Variants in PRKRA observed in about 807,000 individuals in gnomAD.
The protein encoded by PRKRA is protein activator of interferon induced protein kinase EIF2AK2.
A neutral mutation model predicts 32.4 loss-of-function variants in PRKRA; 22 were observed. That is an observed-to-expected ratio of 0.68 (90% CI 0.49 to 0.97). The LOEUF is 0.97. Ranked by LOEUF, PRKRA falls within the 50% of genes least tolerant of loss-of-function variation. The pLI, the probability that PRKRA is intolerant of heterozygous loss-of-function variation, is 0.00. For missense variants in PRKRA, 319 were observed against 375.6 expected (o/e 0.85, Z 1.25); for synonymous variants, 139 against 129.8 (o/e 1.07, Z -0.48).
chr2:178,450,617 G>A, intron 1 of PRKRA: 2 of 1,457,994 alleles, frequency 1.4e-6, no homozygotes, highest in Non-Finnish European at 1.8e-6. Flanking sequence ...GGGTGAGCGA[G>A]GTCTTTAGAG....
chr2:178,437,187 T>C (rs1459669860), intron 6 of PRKRA, among the ~76,000 whole-genome samples: 1 of 152,220 alleles, frequency 6.6e-6, no homozygotes, highest in African/African-American at 2.4e-5. Context: ...ATTTACATTA[T>C]AGAAACTTTA....
At chr2:178,447,400 G>A in intron 3 of PRKRA, 105 bp downstream of exon 3, 1 of 1,376,600 alleles carries the variant, frequency 7.3e-7, no homozygotes. Flanking sequence ...GAGGTAGGAT[G>A]CTAACAACTG....
In PRKRA at chr2:178,441,711, AAAG is replaced by A. The variant is rs1292936693; in HGVS notation, c.515-10_515-8del. ...TTTTTTGATGCCCCCTTTCCTGAAC[AAAG>A]AAAAAGAAATGGTAGATTTAGAAAA... On this transcript the variant is annotated splice_polypyrimidine_tract_variant and splice_region_variant and intron_variant, in intron 5 of 7. Transcript: ENST00000325748. The A allele has an allele frequency of 4.0e-6, 3 of 756,292 alleles. No homozygotes were observed. The highest frequency in any genetic ancestry group is 5.8e-6 in the Non-Finnish European group (3 of 520,470). 46.8% of individuals were successfully genotyped at this position (756,292 alleles called of 1,614,324 possible). A position where few individuals can be genotyped will look rare whatever the true frequency, so the allele number is the denominator to read the frequency against.
Position 178,450,321 on chromosome 2 carries a change from A to G in PRKRA, c.156T>C (p.Tyr52=). 1.2e-6 allele frequency: 2 copies of G among 1,614,290 alleles called. No homozygotes were observed. Among genetic ancestry groups the G allele is most frequent in the Non-Finnish European group, 1.7e-6 (2 of 1,180,054 alleles). The change falls in exon 2 of 8, where the codon TAT becomes TAC. Residue 52 remains tyrosine (Y), a synonymous_variant. Coordinates refer to ENST00000325748, the MANE Select transcript of PRKRA (RefSeq NM_003690.5). ...TTTGCACATCAGATCTTTCACATTC[A>G]TAAACTGGGATGTTCTTGGTCTTCA... ...YGMKTKNIPV[Y]ECERSDVQIH...
rs2154124738 is a variant in PRKRA at position 178,436,007 on chromosome 2, G to A, written c.784+138C>T. 6.9e-5 allele frequency: 50 copies of A among 726,558 alleles called. No individual in the cohort carries two copies. In the South Asian group the frequency reaches 8.2e-4, roughly 12 times the overall value. The allele number at this position is 726,558 out of a possible 1,614,324, so 45.0% of individuals were successfully genotyped here. ...ATCAATTATATATATTACTGGCCTA[G>A]TAATTATATATACTTAGAATCCCTG... On this transcript the variant is annotated intron_variant, in intron 7 of 7. Coordinates refer to ENST00000325748, the MANE Select transcript of PRKRA (RefSeq NM_003690.5).
chr2:178,448,730 A>G (rs1249396072), intron 2 of PRKRA, among the ~76,000 whole-genome samples: 2 of 152,222 alleles, frequency 1.3e-5, no homozygotes, highest in Non-Finnish European at 2.9e-5. Flanking sequence ...TGGCCAGAAG[A>G]GAGAAGCCGA....
intron 1 of PRKRA, 188 bp from the exon 2 acceptor site, chr2:178,450,599 A>G (rs557708165): frequency 6.8e-7 from 1 of 1,481,000 alleles, no homozygotes; most frequent in African/African-American, 1.4e-5. Context: ...ACTCCGCAGG[A>G]GCAGGCGGGG....
chr2:178,449,304 A>C (rs1347380378), intron 2 of PRKRA, among the ~76,000 whole-genome samples: 1 of 152,234 alleles, frequency 6.6e-6, no homozygotes, highest in East Asian at 1.9e-4. Context: ...CCTACAATCT[A>C]ACTGCCTCAC....
Position 178,447,601 on chromosome 2 carries a change from A to T in PRKRA, c.236-15T>A, listed in dbSNP as rs747821202. The T allele has an allele frequency of 1.5e-5, 12 of 795,028 alleles. No individual in the cohort carries two copies. The South Asian group carries it at 1.9e-4, about 13-fold the overall frequency. The allele number at this position is 795,028 out of a possible 1,614,324, so 49.2% of individuals were successfully genotyped here. A position where few individuals can be genotyped will look rare whatever the true frequency, so the allele number is the denominator to read the frequency against. ...TGTACCTTCACCTGAATTAAGATTTAAAAAAAGAAGTCTTTATCTCCCACA... is the reference window on the plus strand; with the variant it reads ...TGTACCTTCACCTGAATTAAGATTTTAAAAAAGAAGTCTTTATCTCCCACA... On this transcript the variant is annotated splice_polypyrimidine_tract_variant and intron_variant, in intron 2 of 7. Coordinates refer to ENST00000325748, the MANE Select transcript of PRKRA (RefSeq NM_003690.5).
Position 178,451,122 on chromosome 2 carries a change from C to A in PRKRA, c.-92G>T. The A allele has an allele frequency of 7.1e-7, 1 of 1,405,812 alleles. No homozygotes were observed. The highest frequency in any genetic ancestry group is 1.3e-5 in the South Asian group (1 of 75,794). 87.1% of individuals were successfully genotyped at this position (1,405,812 alleles called of 1,614,324 possible). ...CGCTGGTCCCCGGGAGGAGCTCCAG[C>A]GCCGCCACCTCCTCCGACTCCCCCG... On this transcript the variant is annotated 5_prime_UTR_variant, in exon 1 of 8. Coordinates refer to ENST00000325748, the MANE Select transcript of PRKRA (RefSeq NM_003690.5).
intron 6 of PRKRA, 47 bp from the exon 7 acceptor site, chr2:178,436,366 C>T (rs778400614): frequency 3.4e-6 from 4 of 1,185,666 alleles, no homozygotes; most frequent in African/African-American, 3.6e-5. Context: ...GGACTGGGTT[C>T]CAACACCCGT....
At chr2:178,440,447 A>C (rs183645204) in intron 6 of PRKRA, among the ~76,000 whole-genome samples, 125 of 152,240 alleles carry the variant, frequency 8.2e-4, no homozygotes, top group African/African-American at 2.8e-3. Context: ...TTAAGCTCTG[A>C]ATTTATTTGT....
intron 7 of PRKRA, among the ~76,000 whole-genome samples, chr2:178,435,822 C>T (rs762482930): frequency 1.3e-5 from 2 of 152,168 alleles, no homozygotes; most frequent in Non-Finnish European, 2.9e-5. Flanking sequence ...ATAAGGATAA[C>T]AGAATTTGCT....
At chr2:178,441,801 C>T in intron 5 of PRKRA, 97 bp from the exon 6 acceptor site, 2 of 794,138 alleles carry the variant, frequency 2.5e-6, no homozygotes, top group South Asian at 1.7e-5. Context: ...CAGAGAACCT[C>T]ACGGTTTTTA....
At chr2:178,436,344 G>A (rs781571358) in intron 6 of PRKRA, 25 bp from the exon 7 acceptor site, 1 of 802,358 alleles carries the variant, frequency 1.2e-6, no homozygotes, top group Admixed American at 3.8e-5. Flanking sequence ...TGAAGATTTA[G>A]ACTCTTGACT....
At chr2:178,447,396 G>T in intron 3 of PRKRA, 109 bp downstream of exon 3, 1 of 1,407,656 alleles carries the variant, frequency 7.1e-7, no homozygotes. Flanking sequence ...TTGAGAGGTA[G>T]GATGCTAACA....
chr2:178,438,293 G>A lies in PRKRA; in HGVS notation c.610-1974C>T, dbSNP rs114733885. ...CCATCTGAAATTCACTTTGGTGTAAGGAATAAGGAAGCATTCTAAATAGAT... is the reference window on the plus strand; with the variant it reads ...CCATCTGAAATTCACTTTGGTGTAAAGAATAAGGAAGCATTCTAAATAGAT... On this transcript the variant is annotated intron_variant, in intron 6 of 7. Transcript: ENST00000325748. Among the ~76,000 whole-genome samples, 1,255 of 152,142 alleles carry A rather than the reference G, an allele frequency of 8.2e-3. 20 individuals carry two copies. Among genetic ancestry groups the A allele is most frequent in the African/African-American group, 0.029 (1,196 of 41,484 alleles).
intron 2 of PRKRA, 65 bp downstream of exon 2, chr2:178,450,177 G>C: frequency 7.6e-7 from 1 of 1,307,346 alleles, no homozygotes. Context: ...TTTCCGAACT[G>C]AAAAGCAACA....
intron 6 of PRKRA, among the ~76,000 whole-genome samples, chr2:178,437,314 CTCTGT>C (rs981502931): frequency 3.3e-5 from 5 of 152,092 alleles, no homozygotes; most frequent in Non-Finnish European, 5.9e-5. Context: ...CCCTGAAGAC[CTCTGT>C]TCTATTTCTT....
Sources: gnomAD v4.1 joint callset for allele counts (sites outside exome capture counted in the v4.1 genomes callset) on GRCh38, gnomAD v4.1.1 for gene constraint, MANE v1.5 for transcripts, NCBI Gene and HGNC (gene_info 2026-07-23, HGNC 2026-07-21) for gene names.